The following C11orf52 variants were observed in gnomAD, a reference collection of about 807,000 sequenced individuals.
C11orf52 encodes uncharacterized protein C11orf52.
Under a neutral mutation model 11.7 loss-of-function variants are expected in C11orf52, and 9 were observed. That is an observed-to-expected ratio of 0.77 (90% confidence interval 0.46 to 1.34). The LOEUF (loss-of-function observed/expected upper bound fraction) is 1.34, where lower values mean the gene tolerates loss of function less well. Ranked by LOEUF, C11orf52 falls within the 40% of genes most tolerant of loss-of-function variation. The pLI, the probability that C11orf52 is intolerant of heterozygous loss-of-function variation, is 0.00. For missense variants in C11orf52, 139 were observed against 154.8 expected (o/e 0.90, Z 0.54); for synonymous variants, 49 against 57.4 (o/e 0.85, Z 0.66).
chr11:111,925,594 G>T, intron 2 of C11orf52, 59 bp from the exon 3 acceptor site: 1 of 1,528,262 alleles, frequency 6.5e-7, no homozygotes, highest in Non-Finnish European at 9.1e-7. Context: ...TTTGAAGAAG[G>T]CAATCTCAGT....
rs1277757210 is a variant in C11orf52, at chr11:111,926,505, A to C, written c.*306A>C. ...ACCATTGTTGCTCCTGCTCTTGCAA[A>C]GTGCAGAAAGAGCAGGTAAAAAGTT... On this transcript the variant is annotated 3_prime_UTR_variant, in exon 4 of 4. Transcript: ENST00000278601. The C allele has an allele frequency of 7.2e-6, 3 of 417,188 alleles. No homozygotes were observed. Among genetic ancestry groups the C allele is most frequent in the Non-Finnish European group, 1.3e-5 (3 of 228,178 alleles). 25.8% of individuals were successfully genotyped at this position (417,188 alleles called of 1,614,324 possible). A position where few individuals can be genotyped will look rare whatever the true frequency, so the allele number is the denominator to read the frequency against.
Position 111,926,769 on chromosome 11 carries a change from A to T in C11orf52, c.*570A>T, listed in dbSNP as rs1280409682. ...GGAAACGCTTTCAGGACCTCAAGTC[A>T]GTGATAACCGACAGCACAGTGAGGC... On this transcript the variant is annotated 3_prime_UTR_variant, in exon 4 of 4. Transcript: ENST00000278601. 6.4e-6 allele frequency: 1 copy of T among 157,266 alleles called. No homozygotes were observed. Among genetic ancestry groups the T allele is most frequent in the African/African-American group, 2.4e-5 (1 of 41,494 alleles). The allele number at this position is 157,266 out of a possible 1,614,324, so 9.7% of individuals were successfully genotyped here. A position where few individuals can be genotyped will look rare whatever the true frequency, so the allele number is the denominator to read the frequency against.
At chr11:111,924,613 C>CT (rs1279056446) in intron 2 of C11orf52, among the ~76,000 whole-genome samples, 1 of 152,152 alleles carries the variant, frequency 6.6e-6, no homozygotes, top group Non-Finnish European at 1.5e-5. Context: ...TTACTCAGCA[C>CT]TTACATTCTA....
intron 2 of C11orf52, among the ~76,000 whole-genome samples, chr11:111,925,055 T>C (rs1965764671): frequency 6.6e-6 from 1 of 152,082 alleles, no homozygotes; most frequent in African/African-American, 2.4e-5. Context: ...ACCCAGGAGA[T>C]GGAGGTTGCA....
chr11:111,924,233 C>T, intron 1 of C11orf52, 93 bp from the exon 2 acceptor site: 1 of 1,231,848 alleles, frequency 8.1e-7, no homozygotes, highest in African/African-American at 1.5e-5. Flanking sequence ...GGAAGCTCAT[C>T]AGAATGTTAA....
chr11:111,922,362 ATAT>A (rs1965714106), intron 1 of C11orf52, among the ~76,000 whole-genome samples: 1 of 152,216 alleles, frequency 6.6e-6, no homozygotes, highest in African/African-American at 2.4e-5. Flanking sequence ...AGGCTTAAAG[ATAT>A]TATGGCAATT....
chr11:111,925,591 A>G (rs1965782651), intron 2 of C11orf52, 62 bp from the exon 3 acceptor site: 3 of 1,518,602 alleles, frequency 2.0e-6, no homozygotes, highest in Non-Finnish European at 2.7e-6. Flanking sequence ...TGATTTGAAG[A>G]AGGCAATCTC....
In C11orf52 at chr11:111,926,525, AAAGTTAGCCCAT is replaced by A; in HGVS notation, c.*330_*341del. 2.7e-6 allele frequency: 1 copy of A among 371,000 alleles called. No homozygotes were observed. The highest frequency in any genetic ancestry group is 5.2e-5 in the East Asian group (1 of 19,226). 23.0% of individuals were successfully genotyped at this position (371,000 alleles called of 1,614,324 possible). On this transcript the variant is annotated 3_prime_UTR_variant, in exon 4 of 4. Coordinates refer to ENST00000278601, the MANE Select transcript of C11orf52 (RefSeq NM_080659.3). Reference sequence around the variant, plus strand: ...TGCAAAGTGCAGAAAGAGCAGGTAAAAAGTTAGCCCATAAGCACGTGGGCTGATCTTGTTGGA... The same window carrying A: ...TGCAAAGTGCAGAAAGAGCAGGTAAAAAGCACGTGGGCTGATCTTGTTGGA...
intron 1 of C11orf52, among the ~76,000 whole-genome samples, chr11:111,922,873 A>T (rs1555166656): frequency 1.3e-5 from 2 of 152,170 alleles, no homozygotes; most frequent in Non-Finnish European, 1.5e-5. Context: ...TTCTAGGAGG[A>T]TTGCACAGAT....
intron 2 of C11orf52, 83 bp from the exon 3 acceptor site, chr11:111,925,570 T>C (rs1965781914): frequency 7.4e-7 from 1 of 1,357,448 alleles, no homozygotes; most frequent in African/African-American, 1.4e-5. Context: ...CTGCCGTTAA[T>C]AGTTTAATAG....
Position 111,925,667 on chromosome 11 carries a change from C to A in C11orf52, c.85C>A (p.Arg29=). The A allele has an allele frequency of 6.2e-7, 1 of 1,614,182 alleles. No individual in the cohort carries two copies. Among genetic ancestry groups the A allele is most frequent in the Non-Finnish European group, 8.5e-7 (1 of 1,180,026 alleles). The change falls in exon 3 of 4, where the codon CGG becomes AGG. Residue 29 remains arginine (R), a synonymous_variant. Coordinates refer to ENST00000278601, the MANE Select transcript of C11orf52 (RefSeq NM_080659.3). ...CTTCCCCTCAGGAAGCCAAACAAGACGGACACTGAAGCCGCAGCCACAACA... is the reference window on the plus strand; with the variant it reads ...CTTCCCCTCAGGAAGCCAAACAAGAAGGACACTGAAGCCGCAGCCACAACA... ...KKKKTGSQTR[R]TLKPQPQQLQ... is the part of the protein sequence containing the mutation.
chr11:111,926,052 C>G lies in C11orf52; in HGVS notation c.225C>G (p.Asn75Lys). 1 of 1,614,240 alleles carries G rather than the reference C, an allele frequency of 6.2e-7. No homozygotes were observed. The change falls in exon 4 of 4, where the codon AAC becomes AAG. Residue 75 changes from asparagine to lysine, a missense_variant. Asn to Lys is a moderately conservative substitution (Grantham distance 94). Transcript: ENST00000278601. ...CAGGCCTCATGTCGGAAGACAGCAA[C>G]TTACATTATGCTGACATTCAAGTGT... Reference protein sequence around the residue: ...RSPGLMSEDSNLHYADIQVCS... With the variant: ...RSPGLMSEDSKLHYADIQVCS...
intron 1 of C11orf52, among the ~76,000 whole-genome samples, chr11:111,922,954 C>T (rs1402821242): frequency 3.3e-5 from 5 of 152,278 alleles, no homozygotes; most frequent in African/African-American, 1.2e-4. Context: ...AATCCCATCG[C>T]CTGTGTATCT....
At chr11:111,919,105 C>T in intron 1 of C11orf52, 101 bp downstream of exon 1, 2 of 1,299,950 alleles carry the variant, frequency 1.5e-6, no homozygotes, top group Non-Finnish European at 2.2e-6. Context: ...GCCAGCCTCC[C>T]ACTGCCACCT....
intron 1 of C11orf52, among the ~76,000 whole-genome samples, chr11:111,920,561 T>A (rs1297769762): frequency 1.3e-5 from 2 of 148,922 alleles, no homozygotes; most frequent in Non-Finnish European, 3.0e-5. Flanking sequence ...AAAAGGAGTT[T>A]GAGACCAGCC....
At chr11:111,922,411 A>G (rs1965714676) in intron 1 of C11orf52, among the ~76,000 whole-genome samples, 1 of 152,168 alleles carries the variant, frequency 6.6e-6, no homozygotes, top group African/African-American at 2.4e-5. Flanking sequence ...CTTTATTGTT[A>G]TTGTTTCTGA....
At position 111,925,987 on chromosome 11, in the gene C11orf52, G is replaced by T. The variant is rs1555166919; in HGVS notation, c.160G>T (p.Glu54Ter). The change falls in exon 4 of 4, where the codon GAA (glutamate) becomes TAA (stop). Residue 54 changes from glutamate (E) to a stop codon, truncating the protein, a stop_gained. Transcript: ENST00000278601. LOFTEE classifies it low-confidence loss of function (END_TRUNC). ...KGHETTGHTY[E>*]RVLQQQGSQE... ...CCATGAAACAACAGGACATACGTAT[G>T]AACGGGTGTTACAGCAGCAAGGGTC... 9 of 1,614,224 alleles carry T rather than the reference G, an allele frequency of 5.6e-6. No homozygotes were observed. The South Asian group carries it at 9.9e-5, about 18-fold the overall frequency.
intron 1 of C11orf52, among the ~76,000 whole-genome samples, chr11:111,923,270 G>A (rs1555166682): frequency 6.6e-6 from 1 of 152,186 alleles, no homozygotes; most frequent in African/African-American, 2.4e-5. Context: ...GAGTTTGGCT[G>A]GAGACTCAAC....
rs587607260 is a variant in C11orf52 at position 111,922,577 on chromosome 11, C to T, written c.33-1749C>T. On this transcript the variant is annotated intron_variant, in intron 1 of 3. Coordinates refer to ENST00000278601, the MANE Select transcript of C11orf52 (RefSeq NM_080659.3). ...TGCACAGTTTTTATTCCAAAACATA[C>T]CTTTTTACTAACTTAATAAAAAGTA... Among the ~76,000 whole-genome samples, 86 of 152,232 alleles carry T rather than the reference C, an allele frequency of 5.6e-4. 1 individual carries two copies. In the South Asian group the frequency reaches 0.018, roughly 32 times the overall value.
Sources: allele counts gnomAD v4.1 joint callset (sites outside exome capture counted in the v4.1 genomes callset), GRCh38; gene constraint gnomAD v4.1.1; transcripts MANE v1.5; gene names NCBI Gene and HGNC (gene_info 2026-07-23, HGNC 2026-07-21).